AGRN: variants seen among roughly 807,000 people sequenced by gnomAD.
The protein encoded by AGRN is agrin.
Under a neutral mutation model 211.0 loss-of-function variants are expected in AGRN, and 106 were observed. The observed-to-expected ratio is 0.50, with a 90% confidence interval of 0.43 to 0.59. The LOEUF (loss-of-function observed/expected upper bound fraction) is 0.59. AGRN is among the 20% of genes least tolerant of loss of function. AGRN has a pLI of 0.00. For missense variants in AGRN, 3,040 were observed against 2,982.6 expected, an observed-to-expected ratio of 1.02 and a Z score of -0.45; for synonymous variants, 1,525 against 1,332.5, an observed-to-expected ratio of 1.14 and a Z score of -3.15.
In AGRN at chr1:1,041,480, C is replaced by A. The variant is rs1445446461; in HGVS notation, c.955C>A (p.Pro319Thr). 6.3e-7 allele frequency: 1 copy of A among 1,592,208 alleles called. No individual in the cohort carries two copies. Among genetic ancestry groups the A allele is most frequent in the Non-Finnish European group, 8.5e-7 (1 of 1,176,240 alleles). ...TGACTCCTGCCCTCGACCCCCAGAC[C>A]CCTGTCAGGGCGCCCTCCCTGACCC... Reference protein sequence around the residue: ...VFKKFDGPCDPCQGALPDPSR... With the variant: ...VFKKFDGPCDTCQGALPDPSR... The change falls in exon 6 of 36, where the codon CCC becomes ACC. Residue 319 changes from proline (P) to threonine (T), a missense_variant and splice_region_variant. Physicochemically the swap from Pro to Thr is conservative, Grantham distance 38 (BLOSUM62 -1). Around this residue, in one of 3 missense-constraint regions of AGRN, gnomAD observed 1,498 missense variants for 1,457.8 expected, o/e 1.03. Coordinates refer to ENST00000379370, the MANE Select transcript of AGRN (RefSeq NM_198576.4).
At chr1:1,053,352 G>A (rs902801876) in intron 33 of AGRN, 39 of 1,013,776 alleles carry the variant, frequency 3.8e-5, no homozygotes, top group Middle Eastern at 5.0e-4. Context: ...TCGAGGTCAC[G>A]CATGTCTTCT....
In AGRN at chr1:1,055,285, A is replaced by T; in HGVS notation, c.*304A>T. ...CGCCGGGAAGCAGCCCCGGCTCCTG[A>T]ATCACCCTCGCTCCGTCAGGCGGGA... is the stretch of plus-strand genomic sequence containing the variant. On this transcript the variant is annotated 3_prime_UTR_variant, in exon 36 of 36. Coordinates refer to ENST00000379370, the MANE Select transcript of AGRN (RefSeq NM_198576.4). The T allele has an allele frequency of 2.2e-6, 1 of 447,224 alleles. No individual in the cohort carries two copies. The highest frequency in any genetic ancestry group is 2.0e-5 in the South Asian group (1 of 48,958). The allele number at this position is 447,224 out of a possible 1,614,324, so 27.7% of individuals were successfully genotyped here. A position where few individuals can be genotyped will look rare whatever the true frequency, so the allele number is the denominator to read the frequency against.
Position 1,043,809 on chromosome 1 carries a change from T to C in AGRN, c.1799-14T>C. 2.5e-6 allele frequency: 4 copies of C among 1,609,976 alleles called. No individual in the cohort carries two copies. The highest frequency in any genetic ancestry group is 3.4e-6 in the Non-Finnish European group (4 of 1,179,834). ...CTGGGCCTGCCGACCCCTGCCTGGC[T>C]CTGTCTCCTGCAGAGACCTGTGGAG... On this transcript the variant is annotated splice_polypyrimidine_tract_variant and intron_variant, in intron 9 of 35. Coordinates refer to ENST00000379370, the MANE Select transcript of AGRN (RefSeq NM_198576.4).
chr1:1,033,803 C>T (rs1294438065), intron 2 of AGRN, among the ~76,000 whole-genome samples: 1 of 148,964 alleles, frequency 6.7e-6, no homozygotes, highest in Non-Finnish European at 1.5e-5. Context: ...CGCTCCCGGC[C>T]CCGGGCCCAG....
intron 3 of AGRN, among the ~76,000 whole-genome samples, 185 bp downstream of exon 3, chr1:1,035,509 GGCCGCC>G (rs1173382866): frequency 3.3e-5 from 5 of 152,248 alleles, no homozygotes; most frequent in Non-Finnish European, 7.3e-5. Flanking sequence ...GGGGTCTAGA[GGCCGCC>G]GCCTGACGGC....
chr1:1,054,756 C>T, intron 35 of AGRN, 68 bp from the exon 36 acceptor site: 1 of 1,531,686 alleles, frequency 6.5e-7, no homozygotes, highest in Non-Finnish European at 8.8e-7. Flanking sequence ...TGCTGGTCAC[C>T]TGCTCGTTGG....
At position 1,048,002 on chromosome 1, in the gene AGRN, G is replaced by A. The variant is rs754224977; in HGVS notation, c.3752-10G>A. ...TCCCAGGAAACCCTAACAGCTCCCT[G>A]TGCCGGCAGACTGGTTTCCTGCGTT... On this transcript the variant is annotated splice_polypyrimidine_tract_variant and intron_variant, in intron 22 of 35. Coordinates refer to ENST00000379370, the MANE Select transcript of AGRN (RefSeq NM_198576.4). The surrounding 1 kb of genome is among the most constrained non-coding windows in gnomAD (Gnocchi z 5.9). The A allele has an allele frequency of 1.3e-6, 2 of 1,575,220 alleles. No individual in the cohort carries two copies. Among genetic ancestry groups the A allele is most frequent in the South Asian group, 2.3e-5 (2 of 86,730 alleles).
chr1:1,047,193 C>A, intron 19 of AGRN, 134 bp from the exon 20 acceptor site: 1 of 1,443,330 alleles, frequency 6.9e-7, no homozygotes, highest in Non-Finnish European at 9.2e-7. Flanking sequence ...CCTGGGGTCC[C>A]CACTAACCTC....
intron 2 of AGRN, among the ~76,000 whole-genome samples, chr1:1,029,140 T>G (rs1644589813): frequency 6.6e-6 from 1 of 151,562 alleles, no homozygotes; most frequent in South Asian, 2.1e-4. Context: ...CCCCAGCCCC[T>G]CTGGGGCCTG....
At position 1,042,120 on chromosome 1, in the gene AGRN, C is replaced by A; in HGVS notation, c.1342C>A (p.Arg448=). Reference sequence around the variant, plus strand: ...TTGCTGGCGGCAGCAGGCTGAGTGCCGGCAGCAGCGTGCCATCCCCAGCAA... The same window carrying A: ...TTGCTGGCGGCAGCAGGCTGAGTGCAGGCAGCAGCGTGCCATCCCCAGCAA... ...SDCWRQQAEC[R]QQRAIPSKHQ... Residue 448 remains arginine, a synonymous_variant, in exon 7 of 36, where the codon CGG becomes AGG. Coordinates refer to ENST00000379370, the MANE Select transcript of AGRN (RefSeq NM_198576.4). The A allele has an allele frequency of 6.2e-7, 1 of 1,600,966 alleles. No homozygotes were observed. The highest frequency in any genetic ancestry group is 1.1e-5 in the South Asian group (1 of 90,958).
In AGRN at chr1:1,020,865, G is replaced by A. The variant is rs549217966; in HGVS notation, c.201+492G>A. ...AGTGGTGCGGGGGGGGGGCGTGCAG[G>A]AGCAGAGAGGTGGGCGGGGCCGTCA... On this transcript the variant is annotated intron_variant, in intron 1 of 35. Transcript: ENST00000379370. Among the ~76,000 whole-genome samples, 1,007 of 142,382 alleles carry A rather than the reference G, an allele frequency of 7.1e-3. 20 individuals carry two copies. The highest frequency in any genetic ancestry group is 0.024 in the African/African-American group (935 of 38,622). The allele number at this position is 142,382 out of a possible 152,430, so 93.4% of individuals were successfully genotyped here.
intron 33 of AGRN, chr1:1,052,090 G>A (rs1207251553): frequency 5.6e-6 from 8 of 1,426,878 alleles, no homozygotes; most frequent in East Asian, 3.3e-5. Flanking sequence ...AGCAGAGTCC[G>A]GAGCCCCCGG....
Position 1,055,249 on chromosome 1 carries a change from C to A in AGRN, c.*268C>A. 3 of 527,004 alleles carry A rather than the reference C, an allele frequency of 5.7e-6. No individual in the cohort carries two copies. In the South Asian group the frequency reaches 6.0e-5, roughly 10 times the overall value. 32.6% of individuals were successfully genotyped at this position (527,004 alleles called of 1,614,324 possible). A position where few individuals can be genotyped will look rare whatever the true frequency, so the allele number is the denominator to read the frequency against. ...CCCCCGCCTTGCACTGCGCCTGCCC[C>A]ACGGTGTCCCCGCCGGGAAGCAGCC... On this transcript the variant is annotated 3_prime_UTR_variant, in exon 36 of 36. Transcript: ENST00000379370.
chr1:1,043,753 G>T (rs776271714), intron 9 of AGRN, 21 bp downstream of exon 9: 3 of 1,602,302 alleles, frequency 1.9e-6, no homozygotes, highest in South Asian at 1.1e-5. Context: ...CCCTGGGGCC[G>T]GGCGGGCCAG....
At chr1:1,028,536 G>T (rs1644574048) in intron 2 of AGRN, among the ~76,000 whole-genome samples, 1 of 141,162 alleles carries the variant, frequency 7.1e-6, no homozygotes, top group Admixed American at 6.9e-5. Context: ...CCCCTCATGG[G>T]CCAAGGGCAC....
At chr1:1,033,262 C>T (rs1644712944) in intron 2 of AGRN, among the ~76,000 whole-genome samples, 1 of 152,034 alleles carries the variant, frequency 6.6e-6, no homozygotes, top group Non-Finnish European at 1.5e-5. Flanking sequence ...GATTTCTGGG[C>T]CGCTCACCTC....
In AGRN at chr1:1,033,700, C is replaced by G. The variant is rs1188125636; in HGVS notation, c.464-1577C>G. ...AGCCTCAGCGCCCCCAGGCCCAGCC[C>G]CAGTCCCACCCCCAGTCCCAACACC... On this transcript the variant is annotated intron_variant, in intron 2 of 35. Coordinates refer to ENST00000379370, the MANE Select transcript of AGRN (RefSeq NM_198576.4). Among the ~76,000 whole-genome samples, 4 of 130,420 alleles carry G rather than the reference C, an allele frequency of 3.1e-5. No homozygotes were observed. The South Asian group carries it at 1.1e-3, about 34-fold the overall frequency. The allele number at this position is 130,420 out of a possible 152,430, so 85.6% of individuals were successfully genotyped here.
Position 1,055,157 on chromosome 1 carries a change from T to C in AGRN, c.*176T>C. Reference sequence around the variant, plus strand: ...AGTGCCGAGGGATGGACAGGCGAGGTGGCAGCGTGGAGGGCTCGGCGTGGA... The same window carrying C: ...AGTGCCGAGGGATGGACAGGCGAGGCGGCAGCGTGGAGGGCTCGGCGTGGA... On this transcript the variant is annotated 3_prime_UTR_variant, in exon 36 of 36. Transcript: ENST00000379370. 2.8e-6 allele frequency: 3 copies of C among 1,060,090 alleles called. No homozygotes were observed. Among genetic ancestry groups the C allele is most frequent in the Non-Finnish European group, 4.1e-6 (3 of 730,150 alleles). 65.7% of individuals were successfully genotyped at this position (1,060,090 alleles called of 1,614,324 possible).
intron 12 of AGRN, among the ~76,000 whole-genome samples, chr1:1,044,894 C>T (rs1053500549): frequency 1.3e-5 from 2 of 152,100 alleles, no homozygotes; most frequent in African/African-American, 4.8e-5. Flanking sequence ...CAAGGAAGCT[C>T]GCGTGTGTGT....
Sources: allele counts gnomAD v4.1 joint callset (sites outside exome capture counted in the v4.1 genomes callset), GRCh38; gene constraint gnomAD v4.1.1; regional missense constraint gnomAD v4.1.1; non-coding constraint Gnocchi (gnomAD v3.1); transcripts MANE v1.5; gene names NCBI Gene and HGNC (gene_info 2026-07-23, HGNC 2026-07-21).